The following KCNQ1 variants were observed in gnomAD, a reference collection of about 807,000 sequenced individuals.
KCNQ1 encodes potassium voltage-gated channel subfamily KQT member 1.
Under a neutral mutation model 72.4 loss-of-function variants are expected in KCNQ1, and 49 were observed. That is an observed-to-expected ratio of 0.68 (90% CI 0.54 to 0.86). The LOEUF (loss-of-function observed/expected upper bound fraction) is 0.86, where lower values mean the gene tolerates loss of function less well. Ranked by LOEUF, KCNQ1 falls within the 40% of genes least tolerant of loss-of-function variation. KCNQ1 has a pLI of 0.00. For synonymous variants in KCNQ1, 450 were observed against 412.6 expected (o/e 1.09, Z -1.10); for missense variants, 790 against 945.1 (o/e 0.84, Z 2.15).
intron 2 of KCNQ1, among the ~76,000 whole-genome samples, chr11:2,548,340 G>A (rs1025125239): frequency 2.0e-5 from 3 of 152,216 alleles, no homozygotes; most frequent in Non-Finnish European, 4.4e-5. Flanking sequence ...TGAATCAAGC[G>A]TGGCAGAAGA....
intron 10 of KCNQ1, chr11:2,615,076 G>T: frequency 2.5e-6 from 1 of 398,264 alleles, no homozygotes. Flanking sequence ...TTTGTCAACA[G>T]TGTTTTGTAG....
chr11:2,611,594 C>T lies in KCNQ1; in HGVS notation c.1393+22740C>T, dbSNP rs1246498436. ...TCTTTTTCCATCATTTTACTTTCAA[C>T]TATGTCTTTGAATCTAGAATGTGAC... On this transcript the variant is annotated intron_variant, in intron 10 of 15. Transcript: ENST00000155840. This position sits in a 1 kb window ranked among gnomAD's most constrained non-coding sequence, Gnocchi z 5.3. 1.5e-5 allele frequency: 6 copies of T among 398,450 alleles called. No homozygotes were observed. In the East Asian group the frequency reaches 1.8e-4, roughly 12 times the overall value. 24.7% of individuals were successfully genotyped at this position (398,450 alleles called of 1,614,324 possible).
intron 15 of KCNQ1, among the ~76,000 whole-genome samples, chr11:2,838,633 G>T (rs550948837): frequency 2.2e-4 from 33 of 152,280 alleles, no homozygotes; most frequent in Admixed American, 8.5e-4. Context: ...AGTGGCTGAG[G>T]GCCCAGGGTA....
chr11:2,644,866 G>A (rs1429345509), intron 10 of KCNQ1: 1 of 398,756 alleles, frequency 2.5e-6, no homozygotes, highest in Admixed American at 4.4e-5. Context: ...TGCAGTTGTT[G>A]GTGGAGGCTG....
intron 10 of KCNQ1, chr11:2,656,477 A>G: frequency 2.5e-6 from 1 of 398,098 alleles, no homozygotes; most frequent in Non-Finnish European, 4.4e-6. Context: ...GAAGTCTGCC[A>G]CTCGCCCCCA....
chr11:2,570,610 C>T lies in KCNQ1; in HGVS notation c.478-18C>T. The T allele has an allele frequency of 3.7e-6, 6 of 1,611,546 alleles. No individual in the cohort carries two copies. The highest frequency in any genetic ancestry group is 5.1e-6 in the Non-Finnish European group (6 of 1,179,932). On this transcript the variant is annotated intron_variant, in intron 2 of 15. Coordinates refer to ENST00000155840, the MANE Select transcript of KCNQ1 (RefSeq NM_000218.3). ...GGCCGAGCCTGCCTGCAGTGAGCGT[C>T]CCACTCTGTCCCTGCAGGAGATCGT...
chr11:2,535,865 C>T (rs994376661), intron 2 of KCNQ1, among the ~76,000 whole-genome samples: 2 of 152,224 alleles, frequency 1.3e-5, no homozygotes, highest in South Asian at 2.1e-4. Context: ...TGCTGCTCCC[C>T]GGAGGCAGCC....
chr11:2,753,061 C>T (rs1042874669), intron 11 of KCNQ1, among the ~76,000 whole-genome samples: 1 of 152,166 alleles, frequency 6.6e-6, no homozygotes, highest in Non-Finnish European at 1.5e-5. Context: ...GATGCATCAA[C>T]CCAGGGGGAG....
rs750932273 is a variant in KCNQ1, at chr11:2,769,617, G to A, written c.1590+698G>A. Among the ~76,000 whole-genome samples the A allele has an allele frequency of 6.6e-6, 1 of 152,236 alleles. No homozygotes were observed. On this transcript the variant is annotated intron_variant, in intron 12 of 15. Coordinates refer to ENST00000155840, the MANE Select transcript of KCNQ1 (RefSeq NM_000218.3). The surrounding 1 kb of genome is among the most constrained non-coding windows in gnomAD (Gnocchi z 4.6). ...TGGGGACATTCCTCGGATGAAGGCG[G>A]TGGTGGGGGGTACTGAGTCCTGGCT...
At chr11:2,806,480 C>T (rs980632644) in intron 15 of KCNQ1, among the ~76,000 whole-genome samples, 1 of 152,192 alleles carries the variant, frequency 6.6e-6, no homozygotes, top group African/African-American at 2.4e-5. Context: ...GGAGGGTAGG[C>T]GACCCGCCTT....
chr11:2,729,641 G>C (rs988172688), intron 11 of KCNQ1, among the ~76,000 whole-genome samples: 9 of 152,216 alleles, frequency 5.9e-5, no homozygotes, highest in Middle Eastern at 3.2e-3. Flanking sequence ...AATAGAGTGG[G>C]TCACGCAGCA....
chr11:2,776,372 A>C lies in KCNQ1; in HGVS notation c.1685+318A>C, dbSNP rs561925072. Among the ~76,000 whole-genome samples, 32 of 152,102 alleles carry C rather than the reference A, an allele frequency of 2.1e-4. No individual in the cohort carries two copies. In the East Asian group the frequency reaches 6.2e-3, roughly 30 times the overall value. On this transcript the variant is annotated intron_variant, in intron 13 of 15. Transcript: ENST00000155840. The stretch of plus-strand genomic sequence containing the variant: ...CTGCTCAGGTAGCAACACCAGCTTC[A>C]CACTCCCCACAACTTCAGGACACTC...
rs1342806147 is a variant in KCNQ1, at chr11:2,711,371, C to CT, written c.1514+49291dup. Among the ~76,000 whole-genome samples the CT allele has an allele frequency of 6.6e-6, 1 of 152,216 alleles. No individual in the cohort carries two copies. Among genetic ancestry groups the CT allele is most frequent in the African/African-American group, 2.4e-5 (1 of 41,454 alleles). On this transcript the variant is annotated intron_variant, in intron 11 of 15. Transcript: ENST00000155840. This position sits in a 1 kb window ranked among gnomAD's most constrained non-coding sequence, Gnocchi z 5.4. Reference sequence around the variant, plus strand: ...TCTTTGTGGTCTCCTGTCTTGCGCACTAATTGTTGCCCAAGTCTTTGCACA... The same window carrying CT: ...TCTTTGTGGTCTCCTGTCTTGCGCACTTAATTGTTGCCCAAGTCTTTGCACA...
In KCNQ1 at chr11:2,572,067, C is replaced by A; in HGVS notation, c.738C>A (p.Gly246=). Residue 246 remains glycine (G), a synonymous_variant, in exon 5 of 16, where the codon GGC becomes GGA. Transcript: ENST00000155840. ...LRMLHVDRQG[G]TWRLLGSVVF... is the part of the protein sequence containing the mutation. Reference sequence around the variant, plus strand: ...TGCTACACGTCGACCGCCAGGGAGGCACCTGGAGGCTCCTGGGCTCCGTGG... The same window carrying A: ...TGCTACACGTCGACCGCCAGGGAGGAACCTGGAGGCTCCTGGGCTCCGTGG... 2.5e-6 allele frequency: 4 copies of A among 1,612,902 alleles called. No individual in the cohort carries two copies. The highest frequency in any genetic ancestry group is 3.4e-6 in the Non-Finnish European group (4 of 1,179,900).
At chr11:2,546,078 G>A (rs1244313256) in intron 2 of KCNQ1, among the ~76,000 whole-genome samples, 1 of 151,896 alleles carries the variant, frequency 6.6e-6, no homozygotes. Context: ...GGTGGAAGCT[G>A]AGGTCATTGA....
intron 15 of KCNQ1, among the ~76,000 whole-genome samples, chr11:2,795,153 G>A (rs767567260): frequency 1.3e-5 from 2 of 152,214 alleles, no homozygotes; most frequent in East Asian, 1.9e-4. Context: ...TTGACCTTCC[G>A]CTGCGTCAGT....
Position 2,814,285 on chromosome 11 carries a change from GGATGGATGGATGGATGGATA to G in KCNQ1, c.1795-33466_1795-33447del, listed in dbSNP as rs577448767. Among the ~76,000 whole-genome samples the G allele has an allele frequency of 3.5e-3, 523 of 149,186 alleles. 15 individuals are homozygous for G. Among genetic ancestry groups the G allele is most frequent in the Non-Finnish European group, 6.7e-4 (45 of 67,530 alleles). On this transcript the variant is annotated intron_variant, in intron 15 of 15. Transcript: ENST00000155840. ...ATAAAGGATGGATGGATGGTGGGAT[GGATGGATGGATGGATGGATA>G]GATGGATGGATGGATCGATGGGTGT...
intron 15 of KCNQ1, among the ~76,000 whole-genome samples, chr11:2,832,766 T>C (rs1847979381): frequency 6.6e-6 from 1 of 152,128 alleles, no homozygotes; most frequent in Non-Finnish European, 1.5e-5. Flanking sequence ...CTGGGGCTGA[T>C]GCTCCCCAAG....
In KCNQ1 at chr11:2,620,856, T is replaced by C. The variant is rs1016326761; in HGVS notation, c.1393+32002T>C. On this transcript the variant is annotated intron_variant, in intron 10 of 15. Transcript: ENST00000155840. This position sits in a 1 kb window ranked among gnomAD's most constrained non-coding sequence, Gnocchi z 4.5. The stretch of plus-strand genomic sequence containing the variant: ...TCTGCAGCCTTCCCAGCAACTTTTA[T>C]TTTTTTGACTTTTTAATAATTGCCA... 2 of 398,428 alleles carry C rather than the reference T, an allele frequency of 5.0e-6. No individual in the cohort carries two copies. Among genetic ancestry groups the C allele is most frequent in the African/African-American group, 4.1e-5 (2 of 48,602 alleles). The allele number at this position is 398,428 out of a possible 1,614,324, so 24.7% of individuals were successfully genotyped here. A position where few individuals can be genotyped will look rare whatever the true frequency, so the allele number is the denominator to read the frequency against.
Sources: gnomAD v4.1 joint callset for allele counts (sites outside exome capture counted in the v4.1 genomes callset) on GRCh38, gnomAD v4.1.1 for gene constraint, Gnocchi (gnomAD v3.1) non-coding constraint, MANE v1.5 for transcripts, NCBI Gene and HGNC (gene_info 2026-07-23, HGNC 2026-07-21) for gene names.